The following EXOC6 variants were observed in gnomAD, a reference collection of about 807,000 sequenced individuals.
The protein encoded by EXOC6 is exocyst complex component 6.
Under a neutral mutation model 112.5 loss-of-function variants are expected in EXOC6, and 60 were observed. The ratio of observed to expected loss-of-function variants is 0.53; its 90% CI spans 0.43 to 0.66. The LOEUF (loss-of-function observed/expected upper bound fraction) is 0.66, where lower values mean the gene tolerates loss of function less well. EXOC6 is among the 30% of genes least tolerant of loss of function. The pLI, the probability that EXOC6 is intolerant of heterozygous loss-of-function variation, is 0.00. For missense variants in EXOC6, 855 were observed against 957.1 expected (o/e 0.89, Z 1.41); for synonymous variants, 295 against 308.0 (o/e 0.96, Z 0.44).
chr10:93,056,904 A>G lies in EXOC6; in HGVS notation c.2170-20A>G. 5 of 1,377,854 alleles carry G rather than the reference A, an allele frequency of 3.6e-6. No individual in the cohort carries two copies. Among genetic ancestry groups the G allele is most frequent in the South Asian group, 1.2e-5 (1 of 80,860 alleles). 85.4% of individuals were successfully genotyped at this position (1,377,854 alleles called of 1,614,324 possible). On this transcript the variant is annotated intron_variant, in intron 20 of 21. Transcript: ENST00000260762. ...GTAAATAATCAAAAGTTGATTTAAC[A>G]TTTCCCCCATCTTTCGCAGCTCCTT...
chr10:92,961,242 G>A (rs1853978461), intron 17 of EXOC6, among the ~76,000 whole-genome samples: 1 of 152,104 alleles, frequency 6.6e-6, no homozygotes, highest in Non-Finnish European at 1.5e-5. Flanking sequence ...TTACTTATAT[G>A]CTTTTTTATT....
chr10:92,889,185 CAT>C (rs78949792), intron 1 of EXOC6, among the ~76,000 whole-genome samples: 3,354 of 152,174 alleles, frequency 0.022, 55 homozygotes, highest in African/African-American at 0.041. Flanking sequence ...TTGGTTGTCT[CAT>C]GTGTATACTA....
At chr10:92,883,891 T>G (rs1020822899) in intron 1 of EXOC6, among the ~76,000 whole-genome samples, 1 of 151,868 alleles carries the variant, frequency 6.6e-6, no homozygotes, top group Admixed American at 6.6e-5. Flanking sequence ...TTTTTGTTCT[T>G]TTCTTTTCTT....
chr10:93,033,739 G>C (rs115089490), intron 20 of EXOC6, among the ~76,000 whole-genome samples: 19,642 of 152,106 alleles, frequency 0.13, 1,394 homozygotes, highest in African/African-American at 0.18. Context: ...TTGTTTATTT[G>C]TCATTTATTT....
At position 92,948,275 on chromosome 10, in the gene EXOC6, G is replaced by A; in HGVS notation, c.1312G>A (p.Asp438Asn). The change falls in exon 14 of 22, where the codon GAC becomes AAC. Residue 438 changes from aspartate (D) to asparagine (N), a missense_variant and splice_region_variant. Asp to Asn is a conservative substitution (Grantham distance 23, BLOSUM62 1). Coordinates refer to ENST00000260762, the MANE Select transcript of EXOC6 (RefSeq NM_019053.6). ...TTTTCAATTTTCCTTTCCTAACAGGGACATTTTTGAAGAAGATAATTACAG... is the reference window on the plus strand; with the variant it reads ...TTTTCAATTTTCCTTTCCTAACAGGAACATTTTTGAAGAAGATAATTACAG... Reference protein sequence around the residue: ...LLKKWAGVFRDIFEEDNYSPI... With the variant: ...LLKKWAGVFRNIFEEDNYSPI... 6.3e-7 allele frequency: 1 copy of A among 1,590,652 alleles called. No homozygotes were observed. The highest frequency in any genetic ancestry group is 1.1e-5 in the South Asian group (1 of 88,608).
At chr10:92,882,354 G>A (rs879346817) in intron 1 of EXOC6, among the ~76,000 whole-genome samples, 6 of 151,942 alleles carry the variant, frequency 3.9e-5, no homozygotes, top group African/African-American at 1.2e-4. Context: ...GACCAGCCTG[G>A]TCAACATGGT....
chr10:92,854,913 C>G (rs530025604), intron 1 of EXOC6, among the ~76,000 whole-genome samples: 1 of 152,254 alleles, frequency 6.6e-6, no homozygotes, highest in South Asian at 2.1e-4. Context: ...TTTTTCCCCC[C>G]TTTATTCTAT....
rs139998085 is a variant in EXOC6, at chr10:92,994,204, T to G, written c.1954-3270T>G. On this transcript the variant is annotated intron_variant, in intron 18 of 21. Coordinates refer to ENST00000260762, the MANE Select transcript of EXOC6 (RefSeq NM_019053.6). ...ACACACAAGTAAATGATGAAAGCTG[T>G]TTTTGAGACATGAATCTAGAAAGCA... Among the ~76,000 whole-genome samples the G allele has an allele frequency of 5.6e-3, 848 of 152,322 alleles. 6 individuals are homozygous for G. Among genetic ancestry groups the G allele is most frequent in the African/African-American group, 0.017 (700 of 41,566 alleles).
At chr10:92,916,175 G>GC (rs1187971779) in intron 7 of EXOC6, 1 of 288,776 alleles carries the variant, frequency 3.5e-6, no homozygotes, top group African/African-American at 2.3e-5. Context: ...TACTGCATCA[G>GC]CCCTACAAGG....
intron 19 of EXOC6, among the ~76,000 whole-genome samples, chr10:92,999,695 T>C (rs985927087): frequency 2.1e-5 from 3 of 141,544 alleles, no homozygotes; most frequent in African/African-American, 8.2e-5. Context: ...TGTTAATCTC[T>C]TATTGTGCCT....
At chr10:92,848,311 C>G (rs893448179), upstream of EXOC6, 2 of 159,094 alleles carry the variant, frequency 1.3e-5, no homozygotes, top group African/African-American at 4.8e-5. Flanking sequence ...CAGCTGGGTA[C>G]CCGGCCGCCG....
intron 1 of EXOC6, among the ~76,000 whole-genome samples, chr10:92,888,137 G>A (rs193266393): frequency 2.0e-5 from 3 of 152,082 alleles, no homozygotes; most frequent in East Asian, 1.9e-4. Flanking sequence ...TGGAACTTAC[G>A]GTTCTATTTT....
chr10:92,867,653 A>G (rs1280401150), intron 1 of EXOC6, among the ~76,000 whole-genome samples: 1 of 152,202 alleles, frequency 6.6e-6, no homozygotes, highest in African/African-American at 2.4e-5. Context: ...CAAATGTAAA[A>G]TGAATATGTG....
intron 18 of EXOC6, among the ~76,000 whole-genome samples, chr10:92,980,044 T>G (rs1384293004): frequency 6.6e-6 from 1 of 151,988 alleles, no homozygotes; most frequent in Non-Finnish European, 1.5e-5. Flanking sequence ...TTGATAGAAA[T>G]AACAAATATT....
intron 20 of EXOC6, among the ~76,000 whole-genome samples, chr10:93,039,676 A>G (rs769550515): frequency 6.6e-6 from 1 of 152,190 alleles, no homozygotes; most frequent in Non-Finnish European, 1.5e-5. Flanking sequence ...TATTCAATGA[A>G]ATTAAGTAGT....
Position 92,955,729 on chromosome 10 carries a change from G to C in EXOC6, c.1773+15G>C, listed in dbSNP as rs1382668908. The C allele has an allele frequency of 6.3e-7, 1 of 1,597,230 alleles. No individual in the cohort carries two copies. ...CTACTTTCAAGGTATGTAAAAATTTGACCAAAAGTTTTCATTTCAGTCACT... is the reference window on the plus strand; with the variant it reads ...CTACTTTCAAGGTATGTAAAAATTTCACCAAAAGTTTTCATTTCAGTCACT... On this transcript the variant is annotated intron_variant, in intron 17 of 21. Transcript: ENST00000260762.
chr10:92,878,306 A>G (rs1290571909), intron 1 of EXOC6: 2 of 152,112 alleles, frequency 1.3e-5, no homozygotes, highest in African/African-American at 4.8e-5. Context: ...GTCCCTGTGG[A>G]CATCTCTTTT....
At chr10:93,018,279 G>T (rs559871917) in intron 20 of EXOC6, among the ~76,000 whole-genome samples, 5 of 151,936 alleles carry the variant, frequency 3.3e-5, no homozygotes, top group African/African-American at 9.7e-5. Context: ...TTTTTAAAAG[G>T]TATAATAATG....
chr10:92,885,182 CT>C (rs1849151140), intron 1 of EXOC6, among the ~76,000 whole-genome samples: 1 of 152,144 alleles, frequency 6.6e-6, no homozygotes, highest in African/African-American at 2.4e-5. Context: ...CATATTTAAA[CT>C]TTGAAAACTT....
Sources: allele counts gnomAD v4.1 joint callset (sites outside exome capture counted in the v4.1 genomes callset), GRCh38; gene constraint gnomAD v4.1.1; transcripts MANE v1.5; gene names NCBI Gene and HGNC (gene_info 2026-07-23, HGNC 2026-07-21).